MAGED1: variants seen among roughly 807,000 people sequenced by gnomAD.
The protein encoded by MAGED1 is MAGE family member D1.
MAGED1 carries 3 observed loss-of-function variants against 54.1 expected under a neutral mutation model. The ratio of observed to expected loss-of-function variants is 0.06; its 90% CI spans 0.03 to 0.14. The LOEUF is 0.14. Ranked by LOEUF, MAGED1 falls within the 10% of genes least tolerant of loss-of-function variation. The pLI is 1.00. For synonymous variants in MAGED1, 217 were observed against 227.3 expected (o/e 0.95, Z 0.41); for missense variants, 485 against 623.4 (o/e 0.78, Z 2.36).
chrX:51,883,652 G>T (rs1681283095), intron 1 of MAGED1, among the ~76,000 whole-genome samples: 1 of 112,010 alleles, frequency 8.9e-6, no homozygotes, highest in Admixed American at 9.5e-5. Flanking sequence ...CATCAAGATG[G>T]CACAGTTATT....
intron 1 of MAGED1, among the ~76,000 whole-genome samples, chrX:51,853,604 G>A (rs1177998275): frequency 8.9e-6 from 1 of 112,430 alleles, no homozygotes; most frequent in Non-Finnish European, 1.9e-5. Context: ...ATAGACAAAT[G>A]CCCTTAGGAC....
chrX:51,865,623 GT>G (rs1266384964), intron 1 of MAGED1, among the ~76,000 whole-genome samples: 1 of 111,062 alleles, frequency 9.0e-6, no homozygotes, highest in Non-Finnish European at 1.9e-5. Flanking sequence ...TGCTTTTTGG[GT>G]TTTTTTGCTC....
intron 1 of MAGED1, among the ~76,000 whole-genome samples, chrX:51,849,971 C>T (rs186007110): frequency 0.012 from 1,321 of 110,739 alleles, 22 homozygotes; most frequent in African/African-American, 0.04. Flanking sequence ...CTTGCTCTGT[C>T]GCCCAGGCTG....
chrX:51,873,338 A>G, intron 1 of MAGED1, among the ~76,000 whole-genome samples: 1 of 111,473 alleles, frequency 9.0e-6, no homozygotes, highest in Non-Finnish European at 1.9e-5. Context: ...TGAGGATTAC[A>G]ATTTGAGATG....
At chrX:51,806,880 C>T (rs181027073) in intron 1 of MAGED1, among the ~76,000 whole-genome samples, 123 of 110,178 alleles carry the variant, frequency 1.1e-3, no homozygotes, top group African/African-American at 3.9e-3. Flanking sequence ...CTTCGCCTCC[C>T]GGGTTCAAGT....
chrX:51,851,312 A>G (rs1188668309), intron 1 of MAGED1, among the ~76,000 whole-genome samples: 2 of 111,834 alleles, frequency 1.8e-5, no homozygotes, highest in Non-Finnish European at 3.8e-5. Flanking sequence ...CTGTGAGTAA[A>G]GAAGAAAGTG....
chrX:51,862,827 G>T (rs1393100506), intron 1 of MAGED1, among the ~76,000 whole-genome samples: 1 of 111,268 alleles, frequency 9.0e-6, no homozygotes, highest in African/African-American at 3.3e-5. Context: ...TCTCTTTTCA[G>T]CTCTCAGAGT....
Position 51,896,530 on chromosome X carries a change from C to G in MAGED1, c.875C>G (p.Pro292Arg), listed in dbSNP as rs782816205. Residue 292 changes from proline (P) to arginine (R), a missense_variant, in exon 4 of 13, where the codon CCC becomes CGC. By Grantham distance (103) the Pro-to-Arg change is moderately radical. Around this residue, in one of 2 missense-constraint regions of MAGED1, gnomAD observed 299 missense variants for 293.1 expected, o/e 1.02. Coordinates refer to ENST00000326587, the MANE Select transcript of MAGED1 (RefSeq NM_006986.4). ...VTTQNPPGAP[P>R]NVLWQTPLAW... ...ACTCAGAACCCACCTGGCGCACCCC[C>G]CAATGTGCTCTGGCAGACGCCATTG... is the stretch of plus-strand genomic sequence containing the variant. 2.5e-6 allele frequency: 3 copies of G among 1,210,274 alleles called. No homozygotes were observed. Among genetic ancestry groups the G allele is most frequent in the Non-Finnish European group, 3.4e-6 (3 of 895,254 alleles).
intron 1 of MAGED1, among the ~76,000 whole-genome samples, chrX:51,831,185 A>T (rs1557357434): frequency 8.9e-6 from 1 of 112,659 alleles, no homozygotes; most frequent in Non-Finnish European, 1.9e-5. Context: ...TGATAACTAC[A>T]TATCAAGCAA....
intron 1 of MAGED1, among the ~76,000 whole-genome samples, chrX:51,876,995 T>G (rs980709545): frequency 8.1e-5 from 9 of 111,514 alleles, no homozygotes; most frequent in Non-Finnish European, 1.9e-5. Flanking sequence ...ATAGATATTT[T>G]TTAGGCTCTA....
chrX:51,813,986 A>G (rs1557355801), intron 1 of MAGED1, among the ~76,000 whole-genome samples: 1 of 110,940 alleles, frequency 9.0e-6, no homozygotes, highest in Non-Finnish European at 1.9e-5. Flanking sequence ...CTCAGCCCAG[A>G]CCTATTTGTG....
At chrX:51,822,243 A>C (rs1429767055) in intron 1 of MAGED1, among the ~76,000 whole-genome samples, 2 of 111,663 alleles carry the variant, frequency 1.8e-5, no homozygotes, top group African/African-American at 6.5e-5. Context: ...AGGTTTCTTT[A>C]TCTTATCTAT....
At chrX:51,850,120 C>T (rs1926831422) in intron 1 of MAGED1, among the ~76,000 whole-genome samples, 1 of 110,487 alleles carries the variant, frequency 9.1e-6, no homozygotes, top group African/African-American at 3.3e-5. Context: ...GGGGTTTTGC[C>T]ATGTTGGCCA....
intron 1 of MAGED1, among the ~76,000 whole-genome samples, chrX:51,811,555 G>T (rs1240313660): frequency 9.0e-6 from 1 of 111,375 alleles, no homozygotes; most frequent in Non-Finnish European, 1.9e-5. Context: ...AGGTGAAGGG[G>T]TGTTCTAGAA....
chrX:51,852,694 G>A (rs1926942027), intron 1 of MAGED1, among the ~76,000 whole-genome samples: 1 of 111,706 alleles, frequency 9.0e-6, no homozygotes, highest in African/African-American at 3.3e-5. Context: ...CAGATTATTT[G>A]AAATTATTGT....
At chrX:51,818,503 C>T (rs1467858239) in intron 1 of MAGED1, among the ~76,000 whole-genome samples, 1 of 112,044 alleles carries the variant, frequency 8.9e-6, no homozygotes, top group Non-Finnish European at 1.9e-5. Flanking sequence ...CTGTGGCTAC[C>T]TGCAGAGCCC....
chrX:51,814,482 C>T (rs1044827415), intron 1 of MAGED1, among the ~76,000 whole-genome samples: 5 of 111,766 alleles, frequency 4.5e-5, no homozygotes, highest in Admixed American at 9.5e-5. Flanking sequence ...GGGGAGGCCC[C>T]TTACAGTGAC....
chrX:51,889,916 A>T (rs1928379458), upstream of MAGED1, among the ~76,000 whole-genome samples: 1 of 112,659 alleles, frequency 8.9e-6, no homozygotes, highest in Admixed American at 9.3e-5. Context: ...TTCCAAAAAA[A>T]GGTCTTTTGC....
At chrX:51,831,098 C>T (rs1926048827) in intron 1 of MAGED1, among the ~76,000 whole-genome samples, 1 of 111,773 alleles carries the variant, frequency 8.9e-6, no homozygotes, top group Admixed American at 9.5e-5. Flanking sequence ...ACCTCATGAT[C>T]CACCTTCCTC....
Sources: gnomAD v4.1 joint callset for allele counts (sites outside exome capture counted in the v4.1 genomes callset) on GRCh38, gnomAD v4.1.1 for gene constraint, gnomAD v4.1.1 regional missense constraint, MANE v1.5 for transcripts, NCBI Gene and HGNC (gene_info 2026-07-23, HGNC 2026-07-21) for gene names.